PRDM15: variants seen among roughly 807,000 people sequenced by gnomAD.
The protein encoded by PRDM15 is PR/SET domain 15.
In PRDM15, 64 loss-of-function variants were observed where a neutral mutation model predicts 128.6. The ratio of observed to expected loss-of-function variants is 0.50; its 90% CI spans 0.41 to 0.61. The LOEUF (loss-of-function observed/expected upper bound fraction) is 0.61. PRDM15 is among the 20% of genes least tolerant of loss of function. The pLI is 0.00. For synonymous variants in PRDM15, 615 were observed against 621.8 expected, an observed-to-expected ratio of 0.99 and a Z score of 0.16; for missense variants, 1,242 against 1,569.1, an observed-to-expected ratio of 0.79 and a Z score of 3.52.
At position 41,834,737 on chromosome 21, in the gene PRDM15, C is replaced by T. The variant is rs553542957; in HGVS notation, c.1366+700G>A. Among the ~76,000 whole-genome samples the T allele has an allele frequency of 5.9e-5, 9 of 152,308 alleles. No individual in the cohort carries two copies. In the South Asian group the frequency reaches 8.3e-4, roughly 14 times the overall value. On this transcript the variant is annotated intron_variant, in intron 11 of 23. Transcript: ENST00000398548. ...AGAATACAGGGGCGTCCTCGGGCCACGTGGAGAAGCGCAGCCGGCAGGACG... is the reference window on the plus strand; with the variant it reads ...AGAATACAGGGGCGTCCTCGGGCCATGTGGAGAAGCGCAGCCGGCAGGACG...
Position 41,847,178 on chromosome 21 carries a change from T to C in PRDM15, c.552A>G (p.Pro184=). 6.4e-7 allele frequency: 1 copy of C among 1,552,560 alleles called. No homozygotes were observed. Among genetic ancestry groups the C allele is most frequent in the Non-Finnish European group, 8.7e-7 (1 of 1,147,202 alleles). Residue 184 remains proline (P), a synonymous_variant, in exon 6 of 24, where the codon CCA becomes CCG. Coordinates refer to ENST00000398548, the MANE Select transcript of PRDM15 (RefSeq NM_001040424.3). ...AGSGVHAAGT[P]ENSAPVESEP... ...CCGACTCCACGGGGGCGCTGTTTTC[T>C]GGGGTGCCTGCAGCTTCAAAAGACA...
Position 41,811,981 on chromosome 21 carries a change from T to A in PRDM15, c.2393-1145A>T, listed in dbSNP as rs1367847281. The A allele has an allele frequency of 6.6e-6, 1 of 152,230 alleles. No homozygotes were observed. The allele number at this position is 152,230 out of a possible 1,614,324, so 9.4% of individuals were successfully genotyped here. A position where few individuals can be genotyped will look rare whatever the true frequency, so the allele number is the denominator to read the frequency against. ...GCCACTGCGACCGGCCTTGACTTTT[T>A]AAAATATTTGATAAGTACTCAGTCA... On this transcript the variant is annotated intron_variant, in intron 19 of 23. Transcript: ENST00000398548. The surrounding 1 kb of genome is among the most constrained non-coding windows in gnomAD (Gnocchi z 4.1).
At chr21:41,844,505 T>C (rs368849576) in intron 6 of PRDM15, among the ~76,000 whole-genome samples, 3 of 21,014 alleles carry the variant, frequency 1.4e-4, no homozygotes, top group African/African-American at 2.1e-4. Flanking sequence ...CCCTCCCCCC[T>C]CACAGGGACA....
intron 1 of PRDM15, among the ~76,000 whole-genome samples, chr21:41,872,889 T>C (rs1385305786): frequency 6.6e-6 from 1 of 152,258 alleles, no homozygotes; most frequent in Non-Finnish European, 1.5e-5. Context: ...GCTAGGTGGC[T>C]TCACGTGCAT....
At chr21:41,871,307 G>C (rs137875004) in intron 1 of PRDM15, among the ~76,000 whole-genome samples, 3,470 of 152,008 alleles carry the variant, frequency 0.023, 59 homozygotes, top group South Asian at 0.067. Flanking sequence ...AGGAGTGTTT[G>C]GGGGACTCTC....
chr21:41,818,225 G>A (rs958853441), intron 18 of PRDM15, among the ~76,000 whole-genome samples: 4 of 152,254 alleles, frequency 2.6e-5, no homozygotes, highest in African/African-American at 9.6e-5. Context: ...CGGATAAAGA[G>A]CAAGCCAGCC....
At chr21:41,846,894 C>T (rs956405657) in intron 6 of PRDM15, among the ~76,000 whole-genome samples, 196 bp downstream of exon 6, 5 of 151,618 alleles carry the variant, frequency 3.3e-5, no homozygotes, top group South Asian at 2.1e-4. Context: ...CTGCAGGGGT[C>T]GGGGGTGGGA....
At position 41,798,433 on chromosome 21, in the gene PRDM15, C is replaced by T. The variant is rs1014011959; in HGVS notation, c.*2807G>A. On this transcript the variant is annotated 3_prime_UTR_variant, in exon 24 of 24. Transcript: ENST00000398548. ...AGGTACAGGAGGTCTGCCTTCCACG[C>T]CGGACCCTCCAGCGCAGTCCCATGC... is the stretch of plus-strand genomic sequence containing the variant. The T allele has an allele frequency of 7.2e-5, 11 of 152,306 alleles. No individual in the cohort carries two copies. The highest frequency in any genetic ancestry group is 2.7e-4 in the African/African-American group (11 of 41,464). The allele number at this position is 152,306 out of a possible 1,614,324, so 9.4% of individuals were successfully genotyped here.
Position 41,810,380 on chromosome 21 carries a change from A to G in PRDM15, c.2477-51T>C, listed in dbSNP as rs1424407327. The G allele has an allele frequency of 2.7e-5, 43 of 1,565,152 alleles. No homozygotes were observed. Among genetic ancestry groups the G allele is most frequent in the Non-Finnish European group, 3.7e-5 (43 of 1,150,360 alleles). On this transcript the variant is annotated intron_variant, in intron 20 of 23. Coordinates refer to ENST00000398548, the MANE Select transcript of PRDM15 (RefSeq NM_001040424.3). The surrounding 1 kb of genome is among the most constrained non-coding windows in gnomAD (Gnocchi z 6.4). ...TGCGCGTGGAAAGGAAGAGACACGC[A>G]GGTCACTAGTGCAGCCATCCCAATG...
chr21:41,809,421 C>T (rs145323131), intron 21 of PRDM15, among the ~76,000 whole-genome samples: 2 of 152,034 alleles, frequency 1.3e-5, no homozygotes, highest in Non-Finnish European at 2.9e-5. Context: ...TTAGTAGAGA[C>T]GGGGTTTCAC....
intron 1 of PRDM15, chr21:41,861,495 T>C (rs1040976310): frequency 7.3e-7 from 1 of 1,360,562 alleles, no homozygotes; most frequent in Non-Finnish European, 1.0e-6. Context: ...TAAAGTGAGA[T>C]ACACACAGTA....
At chr21:41,863,068 C>T (rs546438220) in intron 1 of PRDM15, among the ~76,000 whole-genome samples, 1 of 151,988 alleles carries the variant, frequency 6.6e-6, no homozygotes, top group East Asian at 1.9e-4. Flanking sequence ...ACTCGGGAGG[C>T]TGAGGCAGGA....
At chr21:41,820,998 G>C in intron 16 of PRDM15, 69 bp downstream of exon 16, 1 of 1,585,356 alleles carries the variant, frequency 6.3e-7, no homozygotes, top group Non-Finnish European at 8.7e-7. Context: ...CTTATAGCAT[G>C]TGTCTCTTTG....
chr21:41,856,086 C>T (rs1470467798), intron 4 of PRDM15, among the ~76,000 whole-genome samples: 2 of 10,656 alleles, frequency 1.9e-4, no homozygotes, highest in Non-Finnish European at 3.3e-4. Context: ...TTCCTTCCCT[C>T]CCTCCCCTCC....
At chr21:41,876,574 G>A (rs979467227) in intron 1 of PRDM15, among the ~76,000 whole-genome samples, 24 of 152,246 alleles carry the variant, frequency 1.6e-4, no homozygotes, top group Admixed American at 3.9e-4. Context: ...GGACCCCGCA[G>A]TTTCCACACC....
At chr21:41,816,110 G>C (rs891876531) in intron 18 of PRDM15, among the ~76,000 whole-genome samples, 3 of 152,270 alleles carry the variant, frequency 2.0e-5, no homozygotes, top group African/African-American at 7.2e-5. Flanking sequence ...CGGGGCGGTG[G>C]GTAAACTTCC....
intron 5 of PRDM15, among the ~76,000 whole-genome samples, chr21:41,852,231 A>C (rs1304801654): frequency 6.6e-6 from 1 of 152,274 alleles, no homozygotes; most frequent in South Asian, 2.1e-4. Context: ...GGCATCCCCC[A>C]GGATACAAGC....
intron 21 of PRDM15, among the ~76,000 whole-genome samples, chr21:41,806,438 ACCATCACCACCAC>A: frequency 2.3e-5 from 1 of 43,670 alleles, no homozygotes; most frequent in Admixed American, 3.1e-4. Context: ...CACCACCACC[ACCATCACCACCAC>A]CCATCACCAT....
At chr21:41,875,621 C>T (rs2064385843) in intron 1 of PRDM15, among the ~76,000 whole-genome samples, 1 of 152,236 alleles carries the variant, frequency 6.6e-6, no homozygotes. Flanking sequence ...CACGAACAAG[C>T]TCTTCTTAAG....
Sources: gnomAD v4.1 joint callset for allele counts (sites outside exome capture counted in the v4.1 genomes callset) on GRCh38, gnomAD v4.1.1 for gene constraint, Gnocchi (gnomAD v3.1) non-coding constraint, MANE v1.5 for transcripts, NCBI Gene and HGNC (gene_info 2026-07-23, HGNC 2026-07-21) for gene names.